PHF20: variants seen among roughly 807,000 people sequenced by gnomAD.
PHF20 encodes the protein PHD finger protein 20.
A neutral mutation model predicts 113.5 loss-of-function variants in PHF20; 23 were observed. The observed-to-expected ratio is 0.20, with a 90% CI of 0.15 to 0.29. PHF20 has a LOEUF of 0.29. PHF20 is among the 10% of genes least tolerant of loss of function. The probability of loss-of-function intolerance (pLI) is 1.00; values close to 1 mark genes in which losing one functional copy is unlikely to be tolerated. For synonymous variants in PHF20, 434 were observed against 457.3 expected (o/e 0.95, Z 0.65); for missense variants, 943 against 1,219.6 (o/e 0.77, Z 3.38).
At chr20:35,812,647 G>A (rs1254026753) in intron 2 of PHF20, among the ~76,000 whole-genome samples, 1 of 152,088 alleles carries the variant, frequency 6.6e-6, no homozygotes, top group Non-Finnish European at 1.5e-5. Flanking sequence ...AATGCCGTGT[G>A]TTTCATATTG....
chr20:35,914,900 G>A (rs980684851), intron 12 of PHF20, among the ~76,000 whole-genome samples: 1 of 148,450 alleles, frequency 6.7e-6, no homozygotes. Context: ...GGAGGCAGAG[G>A]TTGCAGCGAG....
At chr20:35,932,321 G>A (rs903227308) in intron 15 of PHF20, among the ~76,000 whole-genome samples, 4 of 151,364 alleles carry the variant, frequency 2.6e-5, no homozygotes, top group Non-Finnish European at 4.4e-5. Context: ...CACCCACCTC[G>A]GGCTCCCAAA....
intron 11 of PHF20, 73 bp downstream of exon 11, chr20:35,913,420 T>C: frequency 9.6e-7 from 1 of 1,037,050 alleles, no homozygotes; most frequent in Non-Finnish European, 1.5e-6. Context: ...TCTCCCATTA[T>C]GGCCTCTGGG....
At chr20:35,825,398 A>C (rs2042242857) in intron 2 of PHF20, among the ~76,000 whole-genome samples, 2 of 152,238 alleles carry the variant, frequency 1.3e-5, no homozygotes, top group African/African-American at 4.8e-5. Context: ...GGTTTGAGGA[A>C]AGAAGATAAG....
chr20:35,813,933 G>GA (rs57769210), intron 2 of PHF20, among the ~76,000 whole-genome samples: 1,719 of 24,976 alleles, frequency 0.069, 402 homozygotes, highest in African/African-American at 0.17. Flanking sequence ...CTCCGTCTCA[G>GA]AAAAAAAAAA....
intron 9 of PHF20, among the ~76,000 whole-genome samples, chr20:35,895,681 C>CTTT (rs762279629): frequency 0.037 from 4,372 of 116,688 alleles, 188 homozygotes; most frequent in African/African-American, 0.09. Context: ...TTTGCTTCTC[C>CTTT]TTTTTTTTTT....
rs575697146 is a variant in PHF20 at position 35,927,824 on chromosome 20, A to T, written c.2049A>T (p.Leu683Phe). 6.2e-7 allele frequency: 1 copy of T among 1,614,102 alleles called. No homozygotes were observed. The highest frequency in any genetic ancestry group is 1.3e-5 in the African/African-American group (1 of 75,050). ...GGCAGCATGGGGTCTGCATGGGATT[A>T]CTGGAAGAAAATGTGCCCGAGAAAT... ...QCWQHGVCMG[L>F]LEENVPEKYT... Residue 683 changes from leucine (L) to phenylalanine (F), a missense_variant, in exon 14 of 18, where the codon TTA becomes TTT. Transcript: ENST00000374012.
intron 9 of PHF20, among the ~76,000 whole-genome samples, chr20:35,888,688 G>A (rs564637416): frequency 3.9e-5 from 6 of 152,082 alleles, no homozygotes; most frequent in African/African-American, 1.4e-4. Flanking sequence ...GGAGGCTGAG[G>A]CAGGAAGATC....
chr20:35,929,904 G>A (rs1478789988), intron 14 of PHF20, among the ~76,000 whole-genome samples: 1 of 152,236 alleles, frequency 6.6e-6, no homozygotes, highest in African/African-American at 2.4e-5. Context: ...TCCCCACCAT[G>A]TGTATTAGTA....
chr20:35,814,829 C>A (rs192954376), intron 2 of PHF20, among the ~76,000 whole-genome samples: 5 of 140,680 alleles, frequency 3.6e-5, no homozygotes, highest in African/African-American at 1.3e-4. Context: ...GCCGAGATCC[C>A]GCCACTGCAC....
At chr20:35,829,978 A>G (rs2042330846) in intron 2 of PHF20, among the ~76,000 whole-genome samples, 1 of 151,194 alleles carries the variant, frequency 6.6e-6, no homozygotes, top group African/African-American at 2.4e-5. Context: ...CAGTGGTGCG[A>G]TCTCAGCTCA....
intron 10 of PHF20, among the ~76,000 whole-genome samples, chr20:35,910,345 C>T (rs2055275603): frequency 6.6e-6 from 1 of 151,958 alleles, no homozygotes; most frequent in South Asian, 2.1e-4. Context: ...TCAAAGTGGT[C>T]GTACAACATT....
intron 4 of PHF20, among the ~76,000 whole-genome samples, chr20:35,855,959 G>A (rs1000151975): frequency 4.0e-5 from 6 of 149,182 alleles, no homozygotes; most frequent in African/African-American, 7.7e-5. Flanking sequence ...GATTACAGGC[G>A]TGAGCCATCA....
intron 6 of PHF20, among the ~76,000 whole-genome samples, chr20:35,867,710 C>A (rs375619015): frequency 6.7e-4 from 102 of 152,240 alleles, no homozygotes; most frequent in African/African-American, 2.2e-3. Context: ...CACTTCAGGC[C>A]GTGTCTTGTT....
chr20:35,772,107 CGGCCGGGCCGGGTTG>C (rs909596372), intron 1 of PHF20, 28 bp downstream of exon 1: 7 of 149,826 alleles, frequency 4.7e-5, no homozygotes, highest in Non-Finnish European at 8.9e-5. Flanking sequence ...CGAAGCCGGC[CGGCCGGGCCGGGTTG>C]GGCCGGGCCC....
chr20:35,926,575 GCTA>G (rs1417171539), intron 13 of PHF20, among the ~76,000 whole-genome samples: 1 of 152,088 alleles, frequency 6.6e-6, no homozygotes, highest in Non-Finnish European at 1.5e-5. Context: ...TCTGTTTTCT[GCTA>G]CTGACCGCCT....
At chr20:35,824,907 A>T (rs1445169150) in intron 2 of PHF20, among the ~76,000 whole-genome samples, 1 of 152,170 alleles carries the variant, frequency 6.6e-6, no homozygotes, top group Admixed American at 6.6e-5. Flanking sequence ...AGGTTCATCT[A>T]TGTTGTACGT....
intron 2 of PHF20, among the ~76,000 whole-genome samples, chr20:35,806,892 T>C (rs2041892825): frequency 6.7e-6 from 1 of 149,090 alleles, no homozygotes; most frequent in African/African-American, 2.5e-5. Flanking sequence ...GCCTCCCGGG[T>C]TCACGCCATT....
At chr20:35,800,723 A>G (rs1407977803) in intron 1 of PHF20, among the ~76,000 whole-genome samples, 1 of 152,164 alleles carries the variant, frequency 6.6e-6, no homozygotes, top group Non-Finnish European at 1.5e-5. Flanking sequence ...GTGAGCTGAG[A>G]TGGCACCACT....
Sources: allele counts gnomAD v4.1 joint callset (sites outside exome capture counted in the v4.1 genomes callset), GRCh38; gene constraint gnomAD v4.1.1; transcripts MANE v1.5; gene names NCBI Gene and HGNC (gene_info 2026-07-23, HGNC 2026-07-21).